Variants in AMPH observed in about 807,000 individuals in gnomAD.
AMPH encodes the protein amphiphysin.
A neutral mutation model predicts 99.1 loss-of-function variants in AMPH; 49 were observed. That is an observed-to-expected ratio of 0.49 (90% CI 0.39 to 0.63). The LOEUF is 0.63. Ranked by LOEUF, AMPH falls within the 20% of genes least tolerant of loss-of-function variation. AMPH has a pLI of 0.00. For synonymous variants in AMPH, 314 were observed against 317.3 expected (o/e 0.99, Z 0.11); for missense variants, 759 against 863.4 (o/e 0.88, Z 1.52).
intron 2 of AMPH, among the ~76,000 whole-genome samples, chr7:38,510,491 T>G (rs2129030004): frequency 6.6e-6 from 1 of 152,196 alleles, no homozygotes; most frequent in East Asian, 1.9e-4. Flanking sequence ...TAACACCTAC[T>G]GAGTGGCCAC....
intron 2 of AMPH, among the ~76,000 whole-genome samples, chr7:38,509,798 A>C (rs1178627435): frequency 6.6e-6 from 1 of 152,212 alleles, no homozygotes; most frequent in Non-Finnish European, 1.5e-5. Context: ...CCAAAAATCA[A>C]GGGCGACTTT....
chr7:38,600,385 G>A (rs1793205015), intron 1 of AMPH, among the ~76,000 whole-genome samples: 1 of 152,012 alleles, frequency 6.6e-6, no homozygotes, highest in African/African-American at 2.4e-5. Flanking sequence ...ATTTAATGGT[G>A]GAATCCTCTT....
At chr7:38,599,204 T>A (rs1296868011) in intron 1 of AMPH, among the ~76,000 whole-genome samples, 1 of 152,238 alleles carries the variant, frequency 6.6e-6, no homozygotes, top group East Asian at 1.9e-4. Context: ...TGCAGGGACA[T>A]GAACTTCATT....
intron 2 of AMPH, among the ~76,000 whole-genome samples, chr7:38,511,555 G>GAGGAAACAAGAAAGCATGAATACTAA (rs1201736994): frequency 1.3e-5 from 2 of 152,236 alleles, no homozygotes; most frequent in African/African-American, 4.8e-5. Flanking sequence ...ACTACTGCCT[G>GAGGAAACAAGAAAGCATGAATACTAA]AGGAAACAAG....
At chr7:38,429,614 A>T (rs1785926047) in intron 14 of AMPH, 1 of 1,444,138 alleles carries the variant, frequency 6.9e-7, no homozygotes, top group Non-Finnish European at 9.1e-7. Context: ...AAAAAAAACA[A>T]AAACAAAAGA....
At chr7:38,626,642 C>T (rs2129072790) in intron 1 of AMPH, among the ~76,000 whole-genome samples, 1 of 152,286 alleles carries the variant, frequency 6.6e-6, no homozygotes, top group South Asian at 2.1e-4. Context: ...TGGGCAAAGA[C>T]TCTATGACTA....
rs1787529656 is a variant in AMPH at position 38,463,351 on chromosome 7, A to G, written c.750-238T>C. ...TTTGTCTTCACAGTAGCCATGTTTT[A>G]TTGTCCCCACTTTACAAGTAGTAAA... is the stretch of plus-strand genomic sequence containing the variant. On this transcript the variant is annotated intron_variant, in intron 9 of 20. Coordinates refer to ENST00000356264, the MANE Select transcript of AMPH (RefSeq NM_001635.4). The G allele has an allele frequency of 1.5e-5, 9 of 619,460 alleles. No homozygotes were observed. In the Admixed American group the frequency reaches 2.0e-4, roughly 13 times the overall value. The allele number at this position is 619,460 out of a possible 1,614,324, so 38.4% of individuals were successfully genotyped here.
chr7:38,620,336 ATG>A (rs3056281), intron 1 of AMPH, among the ~76,000 whole-genome samples: 3,506 of 145,636 alleles, frequency 0.024, 136 homozygotes, highest in African/African-American at 0.076. Flanking sequence ...AGATATATAT[ATG>A]TGTGTGTGTG....
At chr7:38,500,452 A>G (rs1267929461) in intron 3 of AMPH, among the ~76,000 whole-genome samples, 1 of 152,154 alleles carries the variant, frequency 6.6e-6, no homozygotes, top group African/African-American at 2.4e-5. Context: ...GTCTGCCAGA[A>G]AGGCTTATCT....
At chr7:38,404,893 A>G (rs1036569329) in intron 17 of AMPH, among the ~76,000 whole-genome samples, 2 of 152,212 alleles carry the variant, frequency 1.3e-5, no homozygotes, top group Non-Finnish European at 2.9e-5. Context: ...TAACATCATC[A>G]AGAAATATAA....
intron 1 of AMPH, among the ~76,000 whole-genome samples, chr7:38,544,905 T>A (rs1167497380): frequency 1.3e-5 from 2 of 152,226 alleles, no homozygotes; most frequent in African/African-American, 4.8e-5. Flanking sequence ...GTTGATCCAA[T>A]GGAAGAGATT....
chr7:38,540,692 C>CAAAAAAAAAAAA (rs373768495), intron 1 of AMPH, among the ~76,000 whole-genome samples: 309 of 19,764 alleles, frequency 0.016, 129 homozygotes, highest in Middle Eastern at 0.11. Flanking sequence ...TGACCCCAAG[C>CAAAAAAAAAAAA]AAAAAAAAAA....
chr7:38,426,897 G>T, intron 15 of AMPH, 57 bp downstream of exon 15: 2 of 1,544,876 alleles, frequency 1.3e-6, no homozygotes, highest in South Asian at 2.3e-5. Context: ...AAACCACATT[G>T]AAAAAAATGT....
At position 38,442,893 on chromosome 7, in the gene AMPH, C is replaced by G. The variant is rs188955412; in HGVS notation, c.1018-6505G>C. On this transcript the variant is annotated intron_variant, in intron 11 of 20. Coordinates refer to ENST00000356264, the MANE Select transcript of AMPH (RefSeq NM_001635.4). ...CAGAAAACAAAAGACAGAGTGAGAA[C>G]AAGAAAAAGAGAGAATCAATAAGAC... 2.0e-5 allele frequency among the ~76,000 whole-genome samples: 3 copies of G among 147,944 alleles called. No homozygotes were observed. In the East Asian group the frequency reaches 6.3e-4, roughly 31 times the overall value.
chr7:38,605,891 T>C (rs925433348), intron 1 of AMPH, among the ~76,000 whole-genome samples: 4 of 152,314 alleles, frequency 2.6e-5, no homozygotes, highest in Admixed American at 6.5e-5. Context: ...AATGTTATTT[T>C]GAGTGCTAGA....
At chr7:38,591,998 C>G (rs1039791162) in intron 1 of AMPH, among the ~76,000 whole-genome samples, 2 of 152,130 alleles carry the variant, frequency 1.3e-5, no homozygotes, top group Admixed American at 1.3e-4. Context: ...GAGCCATGAA[C>G]AGAGATTTAC....
At position 38,461,550 on chromosome 7, in the gene AMPH, G is replaced by T. The variant is rs1787445023; in HGVS notation, c.889-139C>A. ...TCTGCATATAGCAGCAAGCCTATCTGATACAGGTAAAGAATGCTGTCTACT... is the reference window on the plus strand; with the variant it reads ...TCTGCATATAGCAGCAAGCCTATCTTATACAGGTAAAGAATGCTGTCTACT... On this transcript the variant is annotated intron_variant, in intron 10 of 20. Transcript: ENST00000356264. 4.9e-6 allele frequency: 5 copies of T among 1,020,194 alleles called. No individual in the cohort carries two copies. In the South Asian group the frequency reaches 7.7e-5, roughly 16 times the overall value. 63.2% of individuals were successfully genotyped at this position (1,020,194 alleles called of 1,614,324 possible).
chr7:38,503,504 G>GC (rs58295141), intron 3 of AMPH, 146 bp downstream of exon 3: 106,164 of 511,744 alleles, frequency 0.21, 16,381 homozygotes, highest in East Asian at 0.57. Context: ...GCGGGGGGGT[G>GC]GGTGGTGGAA....
chr7:38,630,059 G>A (rs989442230), intron 1 of AMPH, among the ~76,000 whole-genome samples: 1 of 152,174 alleles, frequency 6.6e-6, no homozygotes, highest in African/African-American at 2.4e-5. Flanking sequence ...GAACTGGGAG[G>A]CAGCCTGAGA....
Sources: allele counts gnomAD v4.1 joint callset (sites outside exome capture counted in the v4.1 genomes callset), GRCh38; gene constraint gnomAD v4.1.1; transcripts MANE v1.5; gene names NCBI Gene and HGNC (gene_info 2026-07-23, HGNC 2026-07-21).